The following MAP3K3 variants were observed in gnomAD, a reference collection of about 807,000 sequenced individuals.
The protein encoded by MAP3K3 is MAP/ERK kinase kinase 3.
A neutral mutation model predicts 80.9 loss-of-function variants in MAP3K3; 12 were observed. That is an observed-to-expected ratio of 0.15 (90% CI 0.10 to 0.24). The LOEUF (loss-of-function observed/expected upper bound fraction) is 0.24, where lower values mean the gene tolerates loss of function less well. Ranked by LOEUF, MAP3K3 falls within the 10% of genes least tolerant of loss-of-function variation. The pLI is 1.00. For synonymous variants in MAP3K3, 272 were observed against 307.1 expected (o/e 0.89, Z 1.19); for missense variants, 596 against 834.7 (o/e 0.71, Z 3.52).
chr17:63,689,398 T>C lies in MAP3K3; in HGVS notation c.872-146T>C. 1 of 653,536 alleles carries C rather than the reference T, an allele frequency of 1.5e-6. No homozygotes were observed. Among genetic ancestry groups the C allele is most frequent in the East Asian group, 2.8e-5 (1 of 36,076 alleles). The allele number at this position is 653,536 out of a possible 1,614,324, so 40.5% of individuals were successfully genotyped here. A position where few individuals can be genotyped will look rare whatever the true frequency, so the allele number is the denominator to read the frequency against. ...AGGTGGGAGTGCGGACGGGATGGGCTGGAGCTGGTATTATCTATCACTTCT... is the reference window on the plus strand; with the variant it reads ...AGGTGGGAGTGCGGACGGGATGGGCCGGAGCTGGTATTATCTATCACTTCT... On this transcript the variant is annotated intron_variant, in intron 10 of 15. Transcript: ENST00000361733. The surrounding 1 kb of genome is among the most constrained non-coding windows in gnomAD (Gnocchi z 4.3).
Position 63,667,089 on chromosome 17 carries a change from CT to C in MAP3K3, c.502+30del, listed in dbSNP as rs2035015626. Reference sequence around the variant, plus strand: ...AGTATTTCAACCCTTTTTTCTCCCCCTCTATTTTATCTGCCCACATTTTAAA... The same window carrying C: ...AGTATTTCAACCCTTTTTTCTCCCCCCTATTTTATCTGCCCACATTTTAAA... On this transcript the variant is annotated intron_variant, in intron 6 of 15. Transcript: ENST00000361733. 1.9e-6 allele frequency: 3 copies of C among 1,556,252 alleles called. No individual in the cohort carries two copies. The East Asian group carries it at 6.9e-5, about 36-fold the overall frequency.
intron 4 of MAP3K3, among the ~76,000 whole-genome samples, chr17:63,657,540 C>T (rs961878099): frequency 2.0e-5 from 3 of 151,884 alleles, no homozygotes; most frequent in South Asian, 2.1e-4. Flanking sequence ...TGTTGGAGTT[C>T]TGGAAATGTT....
At chr17:63,688,729 G>T in intron 9 of MAP3K3, 60 bp from the exon 10 acceptor site, 4 of 1,426,732 alleles carry the variant, frequency 2.8e-6, no homozygotes, top group Non-Finnish European at 4.0e-6. Context: ...TGGGGACTTG[G>T]GGGCTTAAGT....
Position 63,692,553 on chromosome 17 carries a change from G to T in MAP3K3, c.1652+134G>T. ...GGCCCAGGCTGCAGTGTGTGCAAGG[G>T]TATTATTGGGTGCAGTAGCACACAC... On this transcript the variant is annotated intron_variant, in intron 15 of 15. Transcript: ENST00000361733. The surrounding 1 kb of genome is among the most constrained non-coding windows in gnomAD (Gnocchi z 4.5). 3.4e-6 allele frequency: 3 copies of T among 879,650 alleles called. No individual in the cohort carries two copies. The highest frequency in any genetic ancestry group is 3.4e-6 in the Non-Finnish European group (2 of 592,254). The allele number at this position is 879,650 out of a possible 1,614,324, so 54.5% of individuals were successfully genotyped here.
At chr17:63,659,218 ATGTTTCTCT>A (rs2034834698) in intron 5 of MAP3K3, among the ~76,000 whole-genome samples, 1 of 152,174 alleles carries the variant, frequency 6.6e-6, no homozygotes, top group East Asian at 1.9e-4. Flanking sequence ...GTAAGGATAC[ATGTTTCTCT>A]TGAGTCGATA....
Position 63,694,040 on chromosome 17 carries a change from C to T in MAP3K3, c.*263C>T. ...AGCGTGGAGGGGTAGGGGCTGGGAACAGTGTGCAAGGCAGCCGTGGGCCCC... is the reference window on the plus strand; with the variant it reads ...AGCGTGGAGGGGTAGGGGCTGGGAATAGTGTGCAAGGCAGCCGTGGGCCCC... On this transcript the variant is annotated 3_prime_UTR_variant, in exon 16 of 16. Coordinates refer to ENST00000361733, the MANE Select transcript of MAP3K3 (RefSeq NM_002401.5). 2.3e-6 allele frequency: 1 copy of T among 444,216 alleles called. No individual in the cohort carries two copies. Among genetic ancestry groups the T allele is most frequent in the Non-Finnish European group, 4.0e-6 (1 of 250,076 alleles). The allele number at this position is 444,216 out of a possible 1,614,324, so 27.5% of individuals were successfully genotyped here.
intron 2 of MAP3K3, chr17:63,636,930 C>G (rs1309841110): frequency 1.1e-5 from 6 of 537,402 alleles, no homozygotes; most frequent in Admixed American, 1.1e-4. Context: ...TGCGCTTCAT[C>G]CAGCTGGACG....
chr17:63,691,719 C>G lies in MAP3K3; in HGVS notation c.1345-14C>G, dbSNP rs554152025. 2 of 1,611,478 alleles carry G rather than the reference C, an allele frequency of 1.2e-6. No individual in the cohort carries two copies. Among genetic ancestry groups the G allele is most frequent in the African/African-American group, 1.3e-5 (1 of 74,900 alleles). On this transcript the variant is annotated splice_polypyrimidine_tract_variant and intron_variant, in intron 13 of 15. Transcript: ENST00000361733. This position sits in a 1 kb window ranked among gnomAD's most constrained non-coding sequence, Gnocchi z 4.8. The stretch of plus-strand genomic sequence containing the variant: ...TCCCCTGAGGGGACTCCTCTGACTT[C>G]TTGTGGCCTCCAGGGCTCGGTGAAA...
chr17:63,663,146 A>C (rs184250343), intron 5 of MAP3K3, among the ~76,000 whole-genome samples: 1 of 152,320 alleles, frequency 6.6e-6, no homozygotes, highest in Admixed American at 6.5e-5. Flanking sequence ...TGAGCTAGCA[A>C]ATGTCCAGAA....
rs546122806 is a variant in MAP3K3, at chr17:63,624,760, C to CT, written c.4+2000dup. Among the ~76,000 whole-genome samples, 10 of 152,350 alleles carry CT rather than the reference C, an allele frequency of 6.6e-5. No individual in the cohort carries two copies. In the South Asian group the frequency reaches 2.1e-3, roughly 32 times the overall value. On this transcript the variant is annotated intron_variant, in intron 1 of 15. Coordinates refer to ENST00000361733, the MANE Select transcript of MAP3K3 (RefSeq NM_002401.5). ...AGAACCACTGCCCTAGCTTTCTTCACTTTCCCCCATACAATTCTCTCCATC... is the reference window on the plus strand; with the variant it reads ...AGAACCACTGCCCTAGCTTTCTTCACTTTTCCCCCATACAATTCTCTCCATC...
At chr17:63,652,497 T>G (rs767755283) in intron 3 of MAP3K3, 60 bp from the exon 4 acceptor site, 49 of 1,121,742 alleles carry the variant, frequency 4.4e-5, no homozygotes, top group Non-Finnish European at 6.6e-5. Context: ...AGACCATTGC[T>G]TTTTAAACCC....
At chr17:63,648,500 G>C (rs1734170054) in intron 3 of MAP3K3, among the ~76,000 whole-genome samples, 1 of 152,116 alleles carries the variant, frequency 6.6e-6, no homozygotes, top group African/African-American at 2.4e-5. Flanking sequence ...ATCACTGCTT[G>C]GGACAGTTGA....
At position 63,681,879 on chromosome 17, in the gene MAP3K3, C is replaced by T; in HGVS notation, c.616C>T (p.Pro206Ser). 1 of 1,498,370 alleles carries T rather than the reference C, an allele frequency of 6.7e-7. No homozygotes were observed. The highest frequency in any genetic ancestry group is 9.0e-7 in the Non-Finnish European group (1 of 1,114,934). 92.8% of individuals were successfully genotyped at this position (1,498,370 alleles called of 1,614,324 possible). ...TSINSEGEFIPETSEQCMLDP... is the reference protein window; with the variant it reads ...TSINSEGEFISETSEQCMLDP... ...CATCAACAGTGAGGGGGAGTTCATC[C>T]CAGAGACCAGCGAGCAGTGCGTGAG... Residue 206 changes from proline (P) to serine (S), a missense_variant, in exon 7 of 16, where the codon CCA becomes TCA. Pro to Ser is a moderately conservative substitution (Grantham distance 74). This residue lies in a region of MAP3K3 where 364 missense variants were observed against 588.9 expected (regional missense o/e 0.62). Transcript: ENST00000361733.
intron 2 of MAP3K3, among the ~76,000 whole-genome samples, chr17:63,645,355 G>GGATCTCT: frequency 1.3e-5 from 2 of 152,242 alleles, no homozygotes; most frequent in East Asian, 3.9e-4. Flanking sequence ...GCAGTTTACA[G>GGATCTCT]GCTACTCATG....
At chr17:63,637,773 C>G (rs2034359610) in intron 2 of MAP3K3, among the ~76,000 whole-genome samples, 1 of 152,152 alleles carries the variant, frequency 6.6e-6, no homozygotes, top group African/African-American at 2.4e-5. Flanking sequence ...GAAATGGAAT[C>G]CTTATTTCCA....
At chr17:63,671,358 C>T (rs773969492) in intron 6 of MAP3K3, among the ~76,000 whole-genome samples, 2 of 151,090 alleles carry the variant, frequency 1.3e-5, no homozygotes, top group Non-Finnish European at 2.9e-5. Flanking sequence ...CGGGTTCAAA[C>T]GATTCTCTTG....
chr17:63,659,713 A>G (rs1259059271), intron 5 of MAP3K3, among the ~76,000 whole-genome samples: 5 of 151,406 alleles, frequency 3.3e-5, no homozygotes, highest in Admixed American at 2.6e-4. Flanking sequence ...TTGTATTTTT[A>G]GTAGAGAAGG....
intron 1 of MAP3K3, among the ~76,000 whole-genome samples, chr17:63,632,040 A>G (rs766097976): frequency 4.6e-5 from 7 of 152,280 alleles, no homozygotes; most frequent in Non-Finnish European, 7.4e-5. Context: ...TCAGTACCAT[A>G]TTACATTGTA....
intron 3 of MAP3K3, among the ~76,000 whole-genome samples, chr17:63,651,326 T>C (rs1188711192): frequency 6.6e-6 from 1 of 151,902 alleles, no homozygotes; most frequent in East Asian, 1.9e-4. Flanking sequence ...CTACAAAAAA[T>C]AAAAAATTAG....
Sources: gnomAD v4.1 joint callset for allele counts (sites outside exome capture counted in the v4.1 genomes callset) on GRCh38, gnomAD v4.1.1 for gene constraint, gnomAD v4.1.1 regional missense constraint, Gnocchi (gnomAD v3.1) non-coding constraint, MANE v1.5 for transcripts, NCBI Gene and HGNC (gene_info 2026-07-23, HGNC 2026-07-21) for gene names.